Variants in MICU3 observed in about 807,000 individuals in gnomAD.
MICU3 encodes mitochondrial calcium uptake 3.
In MICU3, 62 loss-of-function variants were observed where a neutral mutation model predicts 66.5. The ratio of observed to expected loss-of-function variants is 0.93; its 90% CI spans 0.76 to 1.15. The LOEUF is 1.15. Ranked by LOEUF, MICU3 falls within the 50% of genes most tolerant of loss-of-function variation. The pLI is 0.00. For missense variants in MICU3, 779 were observed against 664.4 expected, an observed-to-expected ratio of 1.17 and a Z score of -1.90; for synonymous variants, 308 against 240.7, an observed-to-expected ratio of 1.28 and a Z score of -2.59.
intron 4 of MICU3, 102 bp downstream of exon 4, chr8:17,077,963 A>C: frequency 3.4e-6 from 2 of 596,558 alleles, no homozygotes; most frequent in South Asian, 6.6e-5. Context: ...AATTACATCT[A>C]TGTGTATGCA....
At chr8:17,055,597 A>C (rs565929451) in intron 1 of MICU3, among the ~76,000 whole-genome samples, 1 of 152,266 alleles carries the variant, frequency 6.6e-6, no homozygotes, top group South Asian at 2.1e-4. Flanking sequence ...GATTTGCACC[A>C]CTTCTAGGCC....
intron 2 of MICU3, among the ~76,000 whole-genome samples, chr8:17,065,104 A>T (rs1489023769): frequency 6.6e-6 from 1 of 152,182 alleles, no homozygotes; most frequent in Non-Finnish European, 1.5e-5. Flanking sequence ...TTTAAAAAAT[A>T]ATTCATTTCA....
At chr8:17,093,779 A>T (rs541123601) in intron 8 of MICU3, among the ~76,000 whole-genome samples, 2 of 151,986 alleles carry the variant, frequency 1.3e-5, no homozygotes, top group Non-Finnish European at 2.9e-5. Context: ...GAATGAATAT[A>T]CTACCTACCT....
At chr8:17,060,842 C>A (rs1432963922) in intron 1 of MICU3, among the ~76,000 whole-genome samples, 1 of 149,896 alleles carries the variant, frequency 6.7e-6, no homozygotes, top group Admixed American at 6.6e-5. Context: ...CCTTTCCAAA[C>A]TCCTTACTGA....
At chr8:17,109,571 A>G (rs1802021850) in intron 11 of MICU3, among the ~76,000 whole-genome samples, 1 of 152,178 alleles carries the variant, frequency 6.6e-6, no homozygotes, top group Non-Finnish European at 1.5e-5. Flanking sequence ...GGCATGATTT[A>G]GAGCCGTTTG....
intron 1 of MICU3, among the ~76,000 whole-genome samples, chr8:17,048,017 G>A (rs549255259): frequency 1.3e-5 from 2 of 152,148 alleles, no homozygotes; most frequent in African/African-American, 2.4e-5. Flanking sequence ...GGGCCATGAC[G>A]AGTTAAAGTG....
chr8:17,099,542 TTAAAG>T (rs1198225222), intron 9 of MICU3, among the ~76,000 whole-genome samples: 12 of 151,914 alleles, frequency 7.9e-5, no homozygotes, highest in Admixed American at 4.6e-4. Context: ...CCCAAAGCAA[TTAAAG>T]TATTTTGTCC....
Position 17,087,045 on chromosome 8 carries a change from CT to C in MICU3, c.849+13del. On this transcript the variant is annotated intron_variant, in intron 7 of 14. Coordinates refer to ENST00000318063, the MANE Select transcript of MICU3 (RefSeq NM_181723.3). Reference sequence around the variant, plus strand: ...AAAGCGTGCAATGCTGGTAAGAATACTTTATAGTAGCTTTAGGTGGCTTTTG... The same window carrying C: ...AAAGCGTGCAATGCTGGTAAGAATACTTATAGTAGCTTTAGGTGGCTTTTG... 1.3e-6 allele frequency: 2 copies of C among 1,572,026 alleles called. No individual in the cohort carries two copies. Among genetic ancestry groups the C allele is most frequent in the Non-Finnish European group, 8.7e-7 (1 of 1,145,474 alleles).
chr8:17,101,277 G>A (rs1169613196), intron 9 of MICU3, among the ~76,000 whole-genome samples: 2 of 151,846 alleles, frequency 1.3e-5, no homozygotes, highest in African/African-American at 4.8e-5. Flanking sequence ...TTTTAACAAT[G>A]AGCACAAGAA....
At chr8:17,069,606 A>G in intron 2 of MICU3, 82 bp from the exon 3 acceptor site, 19 of 839,392 alleles carry the variant, frequency 2.3e-5, no homozygotes, top group Non-Finnish European at 3.3e-5. Context: ...GTTATGAGTT[A>G]TGGTTGTAGA....
At chr8:17,032,293 G>T (rs902650061) in intron 1 of MICU3, among the ~76,000 whole-genome samples, 1 of 152,044 alleles carries the variant, frequency 6.6e-6, no homozygotes, top group African/African-American at 2.4e-5. Flanking sequence ...ATAAAGAGAT[G>T]ATTCTGATTA....
chr8:17,133,034 A>G, the MICU3 span: 3 of 152,352 alleles, frequency 2.0e-5, no homozygotes, highest in Admixed American at 1.3e-4. Flanking sequence ...CAGGCACTGA[A>G]TCTGCTTGAT....
chr8:17,131,039 A>G, the MICU3 span: 2 of 152,374 alleles, frequency 1.3e-5, no homozygotes, highest in East Asian at 1.9e-4. Context: ...TTAACATCAG[A>G]CAAAATGATG....
At chr8:17,108,898 C>G (rs993108183) in intron 11 of MICU3, among the ~76,000 whole-genome samples, 1 of 152,126 alleles carries the variant, frequency 6.6e-6, no homozygotes, top group East Asian at 1.9e-4. Context: ...TCTGATCCTC[C>G]TAGCTCACTC....
chr8:17,118,824 A>G, intron 14 of MICU3, 49 bp downstream of exon 14: 2 of 1,083,756 alleles, frequency 1.8e-6, no homozygotes, highest in Admixed American at 1.8e-5. Context: ...AATAGGGATC[A>G]TAATTTATTT....
At chr8:17,092,141 G>A (rs1800133863) in intron 8 of MICU3, among the ~76,000 whole-genome samples, 1 of 152,030 alleles carries the variant, frequency 6.6e-6, no homozygotes, top group African/African-American at 2.4e-5. Flanking sequence ...CTCCCAAAGT[G>A]CTGGGATTAC....
chr8:17,114,388 G>A (rs1408645357), intron 12 of MICU3, among the ~76,000 whole-genome samples, 187 bp downstream of exon 12: 1 of 152,072 alleles, frequency 6.6e-6, no homozygotes, highest in Non-Finnish European at 1.5e-5. Context: ...AAACCTCATG[G>A]CCACTGGGTG....
intron 14 of MICU3, 34 bp downstream of exon 14, chr8:17,118,809 G>A (rs776787185): frequency 6.5e-6 from 8 of 1,235,560 alleles, no homozygotes; most frequent in Admixed American, 3.4e-5. Flanking sequence ...AATTTGTTCA[G>A]TAACAATAGG....
chr8:17,062,428 G>A (rs906690226), intron 1 of MICU3, among the ~76,000 whole-genome samples: 6 of 152,056 alleles, frequency 3.9e-5, no homozygotes, highest in African/African-American at 1.4e-4. Context: ...AGTGGGGAGC[G>A]AAACTTTTTT....
Sources: gnomAD v4.1 joint callset for allele counts (sites outside exome capture counted in the v4.1 genomes callset) on GRCh38, gnomAD v4.1.1 for gene constraint, MANE v1.5 for transcripts, NCBI Gene and HGNC (gene_info 2026-07-23, HGNC 2026-07-21) for gene names.